The following ARHGAP23 variants were observed in gnomAD, a reference collection of about 807,000 sequenced individuals.
The protein encoded by ARHGAP23 is rho GTPase-activating protein 23.
A neutral mutation model predicts 136.3 loss-of-function variants in ARHGAP23; 34 were observed. That is an observed-to-expected ratio of 0.25 (90% confidence interval 0.19 to 0.33). ARHGAP23 has a LOEUF of 0.33. Ranked by LOEUF, ARHGAP23 falls within the 10% of genes least tolerant of loss-of-function variation. ARHGAP23 has a pLI of 1.00. For missense variants in ARHGAP23, 1,808 were observed against 2,139.0 expected (o/e 0.85, Z 3.05); for synonymous variants, 832 against 920.5 (o/e 0.90, Z 1.74).
intron 19 of ARHGAP23, among the ~76,000 whole-genome samples, 156 bp from the exon 20 acceptor site, chr17:38,491,251 C>T (rs1400744418): frequency 2.0e-5 from 3 of 152,244 alleles, no homozygotes; most frequent in African/African-American, 7.2e-5. Flanking sequence ...GGTCTGTGCT[C>T]TACTCATCAA....
At chr17:38,428,945 G>A (rs1034809961) in intron 1 of ARHGAP23, among the ~76,000 whole-genome samples, 8 of 151,978 alleles carry the variant, frequency 5.3e-5, no homozygotes, top group Non-Finnish European at 1.0e-4. Context: ...TTCCGTTGGC[G>A]AGGCCCCGGC....
intron 1 of ARHGAP23, among the ~76,000 whole-genome samples, chr17:38,429,021 C>G (rs976280430): frequency 6.6e-6 from 1 of 152,150 alleles, no homozygotes. Context: ...CTAAGGCGTC[C>G]GGACACCCCC....
chr17:38,484,329 A>C (rs1003554757), intron 16 of ARHGAP23, among the ~76,000 whole-genome samples: 2 of 151,806 alleles, frequency 1.3e-5, no homozygotes. Context: ...CAGCGTGAGG[A>C]GAGGCGGAAG....
chr17:38,448,532 G>A (rs1264542715), intron 1 of ARHGAP23, among the ~76,000 whole-genome samples: 1 of 151,784 alleles, frequency 6.6e-6, no homozygotes, highest in Non-Finnish European at 1.5e-5. Context: ...CTCACCCAAA[G>A]TCTCATATCT....
intron 14 of ARHGAP23, among the ~76,000 whole-genome samples, chr17:38,481,632 G>A (rs1318808754): frequency 1.3e-5 from 2 of 152,132 alleles, no homozygotes; most frequent in African/African-American, 4.8e-5. Flanking sequence ...GGTGGTATGA[G>A]CTTATAGTCC....
chr17:38,486,135 C>T lies in ARHGAP23; in HGVS notation c.2981C>T (p.Thr994Ile). 6.4e-7 allele frequency: 1 copy of T among 1,551,304 alleles called. No homozygotes were observed. ...CGAAAGCTGCCCGAGCCTCTTTTCA[C>T]TGATGGTGAGTAGGAGGTGGAAGTG... ...FFRKLPEPLF[T>I]DDKYNDFIEA... The change falls in exon 17 of 24, where the codon ACT (threonine) becomes ATT (isoleucine). Residue 994 changes from threonine (T) to isoleucine (I), a missense_variant. This residue lies in a region of ARHGAP23 where 105 missense variants were observed against 200.6 expected (regional missense o/e 0.52). Coordinates refer to ENST00000622683, the MANE Select transcript of ARHGAP23 (RefSeq NM_001199417.2).
At chr17:38,502,479 A>T (rs778017207) in intron 23 of ARHGAP23, among the ~76,000 whole-genome samples, 3 of 152,238 alleles carry the variant, frequency 2.0e-5, no homozygotes, top group Non-Finnish European at 2.9e-5. Context: ...TGTGCTGGGT[A>T]CTGAAAATAT....
chr17:38,490,837 A>G (rs529356901), intron 19 of ARHGAP23, among the ~76,000 whole-genome samples: 78 of 152,200 alleles, frequency 5.1e-4, no homozygotes, highest in African/African-American at 1.9e-3. Context: ...CTCGCATTGC[A>G]TTTTCCTCAT....
intron 1 of ARHGAP23, among the ~76,000 whole-genome samples, chr17:38,444,303 A>G (rs2038982831): frequency 6.6e-6 from 1 of 151,892 alleles, no homozygotes; most frequent in Non-Finnish European, 1.5e-5. Flanking sequence ...TGGCCACGGG[A>G]CCTGCCTGCC....
intron 1 of ARHGAP23, among the ~76,000 whole-genome samples, chr17:38,457,199 C>G (rs930100530): frequency 6.6e-6 from 1 of 152,128 alleles, no homozygotes; most frequent in Admixed American, 6.5e-5. Context: ...TTGGCAAAGG[C>G]TGGTCTCCAC....
chr17:38,421,020 G>A (rs1439297217), intron 1 of ARHGAP23, among the ~76,000 whole-genome samples: 3 of 152,070 alleles, frequency 2.0e-5, no homozygotes, highest in Non-Finnish European at 4.4e-5. Context: ...AGCCTGAGTT[G>A]TTCCTCCAAG....
chr17:38,435,356 A>AG (rs1463144763), intron 1 of ARHGAP23, among the ~76,000 whole-genome samples: 1 of 152,180 alleles, frequency 6.6e-6, no homozygotes, highest in Non-Finnish European at 1.5e-5. Flanking sequence ...AAGTGCCCAG[A>AG]GTCCCTTCAG....
chr17:38,473,173 C>T (rs2039805757), intron 11 of ARHGAP23, among the ~76,000 whole-genome samples: 2 of 148,626 alleles, frequency 1.3e-5, no homozygotes, highest in South Asian at 4.3e-4. Flanking sequence ...AGGCTGGTCT[C>T]GAACTCCTGA....
Position 38,510,690 on chromosome 17 carries a change from G to A in ARHGAP23, c.4194G>A (p.Arg1398=). ...LRRPLSPETR[R]RRSSWRRHTV... ...GGCCGCTGTCGCCCGAGACCCGGCG[G>A]CGCCGGAGCAGCTGGCGCCGCCACA... is the stretch of plus-strand genomic sequence containing the variant. The change falls in exon 24 of 24, where the codon CGG becomes CGA. Residue 1398 remains arginine (R), a synonymous_variant. Transcript: ENST00000622683. The surrounding 1 kb of genome is among the most constrained non-coding windows in gnomAD (Gnocchi z 4.6). The A allele has an allele frequency of 1.4e-6, 2 of 1,420,050 alleles. No homozygotes were observed. The highest frequency in any genetic ancestry group is 3.0e-5 in the South Asian group (2 of 67,204). The allele number at this position is 1,420,050 out of a possible 1,614,324, so 88.0% of individuals were successfully genotyped here.
chr17:38,466,806 T>G lies in ARHGAP23; in HGVS notation c.1123T>G (p.Phe375Val). The G allele has an allele frequency of 9.0e-6, 14 of 1,549,280 alleles. No homozygotes were observed. The highest frequency in any genetic ancestry group is 1.7e-4 in the Middle Eastern group (1 of 5,988). ...LGPGALVSPR[F>V]ERCGWASQRS... ...GCCAGGGGCACTGGTGTCACCCCGC[T>G]TTGAGCGGTGTGGCTGGGCTTCCCA... is the stretch of plus-strand genomic sequence containing the variant. Residue 375 changes from phenylalanine to valine, a missense_variant, in exon 7 of 24, where the codon TTT becomes GTT. Physicochemically the swap from Phe to Val is conservative, Grantham distance 50 (BLOSUM62 -1). Around this residue, in one of 7 missense-constraint regions of ARHGAP23, gnomAD observed 859 missense variants for 936.4 expected, o/e 0.92. Transcript: ENST00000622683.
intron 21 of ARHGAP23, 54 bp from the exon 22 acceptor site, chr17:38,498,360 G>C: frequency 7.0e-7 from 1 of 1,433,920 alleles, no homozygotes; most frequent in Non-Finnish European, 9.5e-7. Flanking sequence ...CCTCTGGGGG[G>C]TTGGCAGCCC....
rs1314136941 is a variant in ARHGAP23, at chr17:38,467,033, C to T, written c.1350C>T (p.Asn450=). The T allele has an allele frequency of 6.4e-7, 1 of 1,550,928 alleles. No individual in the cohort carries two copies. ...DSPFGGLPTF[N]LAQSPASFPP... Reference sequence around the variant, plus strand: ...CCTTTGGGGGGCTGCCTACCTTCAACCTGGCCCAGTCCCCTGCGTCATTCC... The same window carrying T: ...CCTTTGGGGGGCTGCCTACCTTCAATCTGGCCCAGTCCCCTGCGTCATTCC... The change falls in exon 7 of 24, where the codon AAC becomes AAT. Residue 450 remains asparagine, a synonymous_variant. Coordinates refer to ENST00000622683, the MANE Select transcript of ARHGAP23 (RefSeq NM_001199417.2).
intron 23 of ARHGAP23, among the ~76,000 whole-genome samples, chr17:38,501,559 C>T (rs201658257): frequency 2.0e-5 from 2 of 98,492 alleles, no homozygotes; most frequent in Non-Finnish European, 4.8e-5. Context: ...CCTTGGCCTC[C>T]GAAAGTGCTG....
intron 11 of ARHGAP23, among the ~76,000 whole-genome samples, chr17:38,473,707 T>C (rs2039820267): frequency 6.6e-6 from 1 of 150,958 alleles, no homozygotes; most frequent in South Asian, 2.1e-4. Context: ...GGTAGGGAGG[T>C]ATCCAGAGGC....
Sources: gnomAD v4.1 joint callset for allele counts (sites outside exome capture counted in the v4.1 genomes callset) on GRCh38, gnomAD v4.1.1 for gene constraint, gnomAD v4.1.1 regional missense constraint, Gnocchi (gnomAD v3.1) non-coding constraint, MANE v1.5 for transcripts, NCBI Gene and HGNC (gene_info 2026-07-23, HGNC 2026-07-21) for gene names.